The following NEO1 variants were observed in gnomAD, a reference collection of about 807,000 sequenced individuals.
NEO1 encodes the protein neogenin.
Under a neutral mutation model 159.7 loss-of-function variants are expected in NEO1, and 63 were observed. That is an observed-to-expected ratio of 0.39 (90% confidence interval 0.32 to 0.49). The LOEUF (loss-of-function observed/expected upper bound fraction) is 0.49, where lower values mean the gene tolerates loss of function less well. NEO1 is among the 20% of genes least tolerant of loss of function. The probability of loss-of-function intolerance (pLI) is 0.85; values close to 1 mark genes in which losing one functional copy is unlikely to be tolerated. For missense variants in NEO1, 1,615 were observed against 1,831.0 expected (o/e 0.88, Z 2.15); for synonymous variants, 633 against 662.0 (o/e 0.96, Z 0.67).
At chr15:73,202,665 A>G (rs1028890572) in intron 7 of NEO1, among the ~76,000 whole-genome samples, 7 of 152,176 alleles carry the variant, frequency 4.6e-5, no homozygotes, top group African/African-American at 1.4e-4. Flanking sequence ...AAAATTAACT[A>G]TCTTAACTAT....
chr15:73,130,549 C>T (rs1379690104), intron 4 of NEO1, among the ~76,000 whole-genome samples: 1 of 152,192 alleles, frequency 6.6e-6, no homozygotes, highest in Non-Finnish European at 1.5e-5. Context: ...TGTGGCCCCA[C>T]CCTACCATGC....
intron 2 of NEO1, among the ~76,000 whole-genome samples, chr15:73,121,759 G>T (rs2071666684): frequency 6.6e-6 from 1 of 151,968 alleles, no homozygotes; most frequent in Non-Finnish European, 1.5e-5. Context: ...TATTCAGTGG[G>T]TTATAATGCA....
At chr15:73,209,770 T>A (rs746997129) in intron 7 of NEO1, among the ~76,000 whole-genome samples, 48 of 152,006 alleles carry the variant, frequency 3.2e-4, no homozygotes, top group Non-Finnish European at 6.2e-4. Flanking sequence ...GGCAGGTGGA[T>A]CATCTGAGGT....
At chr15:73,252,588 T>A (rs977443942) in intron 11 of NEO1, among the ~76,000 whole-genome samples, 1 of 152,246 alleles carries the variant, frequency 6.6e-6, no homozygotes, top group African/African-American at 2.4e-5. Flanking sequence ...CCAGGCTTAC[T>A]GATGTATGTA....
intron 1 of NEO1, among the ~76,000 whole-genome samples, chr15:73,059,897 G>C (rs908599679): frequency 5.9e-5 from 9 of 151,968 alleles, no homozygotes; most frequent in Admixed American, 5.9e-4. Context: ...GAAATCTGGA[G>C]ATTGATCATA....
Position 73,256,674 on chromosome 15 carries a change from G to A in NEO1, c.2092+1845G>A, listed in dbSNP as rs1220772336. Among the ~76,000 whole-genome samples the A allele has an allele frequency of 2.0e-5, 3 of 152,270 alleles. No homozygotes were observed. In the East Asian group the frequency reaches 5.8e-4, roughly 29 times the overall value. On this transcript the variant is annotated intron_variant, in intron 13 of 28. Coordinates refer to ENST00000261908, the MANE Select transcript of NEO1 (RefSeq NM_002499.4). The stretch of plus-strand genomic sequence containing the variant: ...GGTGAATGTTTGTCTCCAGGGGCAT[G>A]TCTTTCAGTCTTCCAGCTTCTTCAC...
At chr15:73,185,553 A>AT (rs2151988038) in intron 7 of NEO1, among the ~76,000 whole-genome samples, 1 of 152,308 alleles carries the variant, frequency 6.6e-6, no homozygotes, top group African/African-American at 2.4e-5. Context: ...TGGTACAGCC[A>AT]TTTTCGAAGA....
chr15:73,112,760 C>G (rs947316850), intron 1 of NEO1, among the ~76,000 whole-genome samples: 1 of 152,150 alleles, frequency 6.6e-6, no homozygotes, highest in Non-Finnish European at 1.5e-5. Context: ...GTTTTCCTCT[C>G]TAAAATGGGG....
chr15:73,266,854 G>A (rs1236751828), intron 16 of NEO1, among the ~76,000 whole-genome samples: 4 of 152,264 alleles, frequency 2.6e-5, no homozygotes, highest in African/African-American at 9.6e-5. Flanking sequence ...TTTTCTATGT[G>A]CCTTTTGTAA....
At chr15:73,194,696 GA>G in intron 7 of NEO1, among the ~76,000 whole-genome samples, 1 of 152,278 alleles carries the variant, frequency 6.6e-6, no homozygotes, top group South Asian at 2.1e-4. Flanking sequence ...GTTTGGAGGG[GA>G]CAAACATCCA....
chr15:73,214,683 G>T (rs889229472), intron 7 of NEO1, among the ~76,000 whole-genome samples: 4 of 152,150 alleles, frequency 2.6e-5, no homozygotes, highest in African/African-American at 9.7e-5. Flanking sequence ...TGGCCTTATA[G>T]TATAGTTTGA....
At chr15:73,220,430 A>G (rs1287642569) in intron 7 of NEO1, among the ~76,000 whole-genome samples, 1 of 151,990 alleles carries the variant, frequency 6.6e-6, no homozygotes, top group Non-Finnish European at 1.5e-5. Flanking sequence ...CTCGAGGAGT[A>G]TCTTTGTGGC....
chr15:73,198,131 A>G (rs991434281), intron 7 of NEO1, among the ~76,000 whole-genome samples: 1 of 151,924 alleles, frequency 6.6e-6, no homozygotes, highest in Admixed American at 6.6e-5. Context: ...CTTTCTATTT[A>G]TCAAATGGCT....
chr15:73,069,652 A>G (rs1331307553), intron 1 of NEO1, among the ~76,000 whole-genome samples: 1 of 151,920 alleles, frequency 6.6e-6, no homozygotes, highest in Non-Finnish European at 1.5e-5. Context: ...TGGTTTATAT[A>G]TTTTTATATA....
intron 5 of NEO1, among the ~76,000 whole-genome samples, chr15:73,148,028 T>G (rs1295133028): frequency 2.0e-5 from 3 of 152,062 alleles, no homozygotes; most frequent in Non-Finnish European, 4.4e-5. Context: ...GGCCAGGCTG[T>G]TCTTGAATTC....
intron 5 of NEO1, among the ~76,000 whole-genome samples, 155 bp downstream of exon 5, chr15:73,136,182 A>G (rs1036667563): frequency 3.3e-5 from 5 of 152,112 alleles, no homozygotes; most frequent in African/African-American, 1.2e-4. Flanking sequence ...TAAATCTTAT[A>G]TTTCCTAGAT....
intron 26 of NEO1, among the ~76,000 whole-genome samples, chr15:73,295,713 C>T (rs939730603): frequency 1.3e-5 from 2 of 152,108 alleles, no homozygotes; most frequent in Non-Finnish European, 2.9e-5. Flanking sequence ...TTCTTTTTCA[C>T]GATTGTACTT....
chr15:73,160,351 A>G (rs879767351), intron 5 of NEO1, among the ~76,000 whole-genome samples: 32 of 152,326 alleles, frequency 2.1e-4, no homozygotes, highest in Admixed American at 1.1e-3. Flanking sequence ...TTCTGACACT[A>G]CCTACCTTTC....
At chr15:73,126,813 C>G (rs937078703) in intron 4 of NEO1, among the ~76,000 whole-genome samples, 13 of 152,178 alleles carry the variant, frequency 8.5e-5, no homozygotes, top group Non-Finnish European at 1.3e-4. Flanking sequence ...GCAGTGTACT[C>G]AGCTTAAGTC....
Sources: gnomAD v4.1 joint callset for allele counts (sites outside exome capture counted in the v4.1 genomes callset) on GRCh38, gnomAD v4.1.1 for gene constraint, MANE v1.5 for transcripts, NCBI Gene and HGNC (gene_info 2026-07-23, HGNC 2026-07-21) for gene names.